The following NHSL2 variants were observed in gnomAD, a reference collection of about 807,000 sequenced individuals.
The protein encoded by NHSL2 is NHS like 2.
A neutral mutation model predicts 53.4 loss-of-function variants in NHSL2; 27 were observed. That is an observed-to-expected ratio of 0.51 (90% CI 0.37 to 0.70). NHSL2 has a LOEUF of 0.70. Ranked by LOEUF, NHSL2 falls within the 30% of genes least tolerant of loss-of-function variation. The probability of loss-of-function intolerance (pLI) is 0.00; values close to 1 mark genes in which losing one functional copy is unlikely to be tolerated. For synonymous variants in NHSL2, 408 were observed against 404.1 expected, an observed-to-expected ratio of 1.01 and a Z score of -0.12; for missense variants, 892 against 980.1, an observed-to-expected ratio of 0.91 and a Z score of 1.20.
At chrX:72,001,688 G>C (rs1029928935) in intron 1 of NHSL2, among the ~76,000 whole-genome samples, 1 of 111,534 alleles carries the variant, frequency 9.0e-6, no homozygotes, top group Non-Finnish European at 1.9e-5. Context: ...CCGCTTGTGA[G>C]CTCTGACTAC....
chrX:72,130,847 T>TG, intron 1 of NHSL2: 4 of 1,211,659 alleles, frequency 3.3e-6, no homozygotes, highest in Non-Finnish European at 4.5e-6. Context: ...CGTGGGGGGA[T>TG]GGGGCCACAG....
At chrX:72,072,319 G>C (rs1444807430) in intron 1 of NHSL2, among the ~76,000 whole-genome samples, 1 of 112,241 alleles carries the variant, frequency 8.9e-6, no homozygotes, top group Non-Finnish European at 1.9e-5. Flanking sequence ...TAAGTAAATA[G>C]TAGAATAGGA....
In NHSL2 at chrX:72,143,417, A is replaced by G; in HGVS notation, c.3521A>G (p.Asp1174Gly). Residue 1174 changes from aspartate (D) to glycine (G), a missense_variant, in exon 8 of 8, where the codon GAC (aspartate) becomes GGC (glycine). Coordinates refer to ENST00000633930, the MANE Select transcript of NHSL2 (RefSeq NM_001013627.3). ...GCCAACCTAGATGCTGGCAGAAATGACGATTTCAAGGCCTTGCTACAGAAG... is the reference window on the plus strand; with the variant it reads ...GCCAACCTAGATGCTGGCAGAAATGGCGATTTCAAGGCCTTGCTACAGAAG... Reference protein sequence around the residue: ...SSANLDAGRNDDFKALLQKKG... With the variant: ...SSANLDAGRNGDFKALLQKKG... The G allele has an allele frequency of 8.6e-7, 1 of 1,167,727 alleles. No homozygotes were observed. Among genetic ancestry groups the G allele is most frequent in the Non-Finnish European group, 1.1e-6 (1 of 872,998 alleles).
intron 1 of NHSL2, among the ~76,000 whole-genome samples, chrX:72,054,565 A>G (rs1397091235): frequency 8.9e-6 from 1 of 112,215 alleles, no homozygotes; most frequent in African/African-American, 3.2e-5. Flanking sequence ...TATATAGTAA[A>G]GATATTAACC....
At chrX:72,006,106 G>A (rs2042093446) in intron 1 of NHSL2, among the ~76,000 whole-genome samples, 1 of 112,057 alleles carries the variant, frequency 8.9e-6, no homozygotes, top group South Asian at 3.7e-4. Flanking sequence ...CCCATGGTTA[G>A]CACCCTGTTT....
chrX:71,950,571 C>G (rs2041815795), intron 1 of NHSL2, among the ~76,000 whole-genome samples: 1 of 112,456 alleles, frequency 8.9e-6, no homozygotes, highest in Admixed American at 9.4e-5. Context: ...GGGAGAAGCC[C>G]TTGTGCCTTT....
chrX:72,105,367 T>A (rs2042029102), intron 1 of NHSL2, among the ~76,000 whole-genome samples: 1 of 110,690 alleles, frequency 9.0e-6, no homozygotes, highest in African/African-American at 3.3e-5. Context: ...TCTGGGCAAG[T>A]CCCTCCCTGC....
intron 1 of NHSL2, among the ~76,000 whole-genome samples, chrX:71,962,796 A>AT (rs1173179773): frequency 7.6e-5 from 8 of 105,295 alleles, no homozygotes; most frequent in Non-Finnish European, 1.2e-4. Context: ...TGCCTGGCTA[A>AT]TTTTTTTTTT....
chrX:72,130,997 G>C lies in NHSL2; in HGVS notation c.281-1082G>C, dbSNP rs1477888609. 8.3e-7 allele frequency: 1 copy of C among 1,211,393 alleles called. No individual in the cohort carries two copies. The highest frequency in any genetic ancestry group is 1.1e-6 in the Non-Finnish European group (1 of 895,248). On this transcript the variant is annotated intron_variant, in intron 1 of 7. Transcript: ENST00000633930. ...AAGGCCACCCGCTCGGCGCCCCCGG[G>C]GAAATGAACCTCATGGTCGGCTATG...
At chrX:72,098,370 G>A (rs1243933588) in intron 1 of NHSL2, among the ~76,000 whole-genome samples, 5 of 111,848 alleles carry the variant, frequency 4.5e-5, no homozygotes, top group Non-Finnish European at 3.8e-5. Context: ...CACGAGGTCA[G>A]GAGACCGAGA....
At chrX:71,944,960 G>A (rs1263042573) in intron 1 of NHSL2, among the ~76,000 whole-genome samples, 1 of 112,252 alleles carries the variant, frequency 8.9e-6, no homozygotes, top group Admixed American at 9.4e-5. Flanking sequence ...ATGGAATAAT[G>A]TTAAGTGGAA....
At chrX:71,943,887 C>A (rs765634399) in intron 1 of NHSL2, among the ~76,000 whole-genome samples, 1 of 112,154 alleles carries the variant, frequency 8.9e-6, no homozygotes, top group East Asian at 2.8e-4. Context: ...AATTGGCTTT[C>A]ATCCTACGCT....
At chrX:72,014,394 C>A (rs2042127688) in intron 1 of NHSL2, among the ~76,000 whole-genome samples, 1 of 111,267 alleles carries the variant, frequency 9.0e-6, no homozygotes, top group Admixed American at 9.5e-5. Context: ...GATTTGAGAC[C>A]TTTTTTCTTT....
chrX:71,972,166 C>G (rs2041927857), intron 1 of NHSL2, among the ~76,000 whole-genome samples: 1 of 110,343 alleles, frequency 9.1e-6, no homozygotes, highest in African/African-American at 3.3e-5. Flanking sequence ...TCCCAAGTAG[C>G]TGGGATTACA....
At chrX:71,993,535 G>A (rs1230074089) in intron 1 of NHSL2, among the ~76,000 whole-genome samples, 1 of 111,774 alleles carries the variant, frequency 8.9e-6, no homozygotes, top group African/African-American at 3.3e-5. Context: ...AGGGTCTGAG[G>A]TAGACATGAT....
At chrX:71,973,441 C>T (rs1194503828) in intron 1 of NHSL2, among the ~76,000 whole-genome samples, 3 of 111,773 alleles carry the variant, frequency 2.7e-5, no homozygotes, top group African/African-American at 6.5e-5. Context: ...ACAGTGCCCT[C>T]AGGCATGAAC....
chrX:72,095,592 C>T (rs901345310), intron 1 of NHSL2, among the ~76,000 whole-genome samples: 6 of 112,407 alleles, frequency 5.3e-5, no homozygotes, highest in Non-Finnish European at 9.4e-5. Flanking sequence ...GGAATCCCCA[C>T]AGGACTTGCC....
rs753322291 is a variant in NHSL2 at position 72,130,347 on chromosome X, TTCC to T, written c.281-1718_281-1716del. 1.6e-4 allele frequency: 189 copies of T among 1,156,510 alleles called. No individual in the cohort carries two copies. In the African/African-American group the frequency reaches 2.1e-3, roughly 13 times the overall value. On this transcript the variant is annotated intron_variant, in intron 1 of 7. Transcript: ENST00000633930. ...CCTCCTCTTTCTGTTTCATTTCCTCTTCCTCCTCCTCCTCCTTCTCTTCCTTCT... is the reference window on the plus strand; with the variant it reads ...CCTCCTCTTTCTGTTTCATTTCCTCTTCCTCCTCCTCCTTCTCTTCCTTCT...
rs1295776328 is a variant in NHSL2 at position 72,069,902 on chromosome X, G to T, written c.281-62177G>T. ...CGAGGGAAATGAGGGTGAACTTCCA[G>T]CTCCCCTGCTCCTGTGACAGGCTGA... On this transcript the variant is annotated intron_variant, in intron 1 of 7. Transcript: ENST00000633930. The T allele has an allele frequency of 3.1e-5, 9 of 291,459 alleles. No individual in the cohort carries two copies. The Admixed American group carries it at 4.4e-4, about 14-fold the overall frequency. 24.0% of individuals were successfully genotyped at this position (291,459 alleles called of 1,213,427 possible).
Sources: allele counts gnomAD v4.1 joint callset (sites outside exome capture counted in the v4.1 genomes callset), GRCh38; gene constraint gnomAD v4.1.1; transcripts MANE v1.5; gene names NCBI Gene and HGNC (gene_info 2026-07-23, HGNC 2026-07-21).